Variants in TMEM175 observed in about 807,000 individuals in gnomAD.
TMEM175 encodes the protein transmembrane protein 175, also known as endosomal/lysosomal proton channel TMEM175.
TMEM175 carries 36 observed loss-of-function variants against 36.5 expected under a neutral mutation model. The observed-to-expected ratio is 0.99, with a 90% CI of 0.76 to 1.30. The LOEUF (loss-of-function observed/expected upper bound fraction) is 1.30. Ranked by LOEUF, TMEM175 falls within the 50% of genes most tolerant of loss-of-function variation. TMEM175 has a pLI of 0.00. For synonymous variants in TMEM175, 339 were observed against 313.4 expected (o/e 1.08, Z -0.86); for missense variants, 705 against 692.8 (o/e 1.02, Z -0.20).
In TMEM175 at chr4:956,284, G is replaced by A. The variant is rs542348941; in HGVS notation, c.842+394G>A. 73 of 1,272,604 alleles carry A rather than the reference G, an allele frequency of 5.7e-5. No homozygotes were observed. The Middle Eastern group carries it at 6.5e-4, about 11-fold the overall frequency. 78.8% of individuals were successfully genotyped at this position (1,272,604 alleles called of 1,614,324 possible). On this transcript the variant is annotated intron_variant, in intron 10 of 10. Transcript: ENST00000264771. ...GTCCCTAGTCCCTCCCATTCCCTCC[G>A]GCTCCCTCCCAGTGCCCCCCATCGC...
At chr4:944,773 C>T (rs1461523201) in intron 1 of TMEM175, among the ~76,000 whole-genome samples, 1 of 151,922 alleles carries the variant, frequency 6.6e-6, no homozygotes, top group Non-Finnish European at 1.5e-5. Flanking sequence ...ATGATTTGTC[C>T]CTTACTAGTC....
intron 6 of TMEM175, chr4:952,091 C>CG (rs1728963257): frequency 6.8e-6 from 4 of 587,424 alleles, no homozygotes; most frequent in Non-Finnish European, 1.2e-5. Flanking sequence ...TCTGAGTGTG[C>CG]GGGGCTGTGT....
chr4:933,370 G>A (rs112172867), intron 1 of TMEM175, among the ~76,000 whole-genome samples: 1,831 of 152,248 alleles, frequency 0.012, 24 homozygotes, highest in Middle Eastern at 0.027. Context: ...AGCCGAGCGT[G>A]GTGGCGGGTG....
chr4:941,223 A>G (rs942375368), intron 1 of TMEM175, among the ~76,000 whole-genome samples: 2 of 150,054 alleles, frequency 1.3e-5, no homozygotes, highest in African/African-American at 2.4e-5. Flanking sequence ...TAAAAATACA[A>G]AAATTAGCTG....
At chr4:952,471 G>T in intron 7 of TMEM175, 21 bp downstream of exon 7, 1 of 1,470,816 alleles carries the variant, frequency 6.8e-7, no homozygotes. Context: ...TGGGGGGCCT[G>T]CACTGTGTGT....
intron 10 of TMEM175, among the ~76,000 whole-genome samples, chr4:957,494 G>A (rs1026671374): frequency 9.9e-5 from 15 of 152,216 alleles, no homozygotes; most frequent in Non-Finnish European, 2.2e-4. Context: ...CAGCAGGCTG[G>A]TCCTGCCCAG....
intron 8 of TMEM175, among the ~76,000 whole-genome samples, chr4:953,650 C>T (rs1401119798): frequency 1.3e-5 from 2 of 152,234 alleles, no homozygotes; most frequent in African/African-American, 2.4e-5. Flanking sequence ...CCAGAAACAG[C>T]GACACCCGGA....
chr4:946,307 T>A (rs908128547), intron 1 of TMEM175, among the ~76,000 whole-genome samples: 2 of 152,254 alleles, frequency 1.3e-5, no homozygotes, highest in Non-Finnish European at 2.9e-5. Context: ...CCGGGGCACC[T>A]GGCTGCAGGT....
At chr4:952,760 GTGTGTGTGTGTGCTGTA>G (rs1332680710) in intron 7 of TMEM175, among the ~76,000 whole-genome samples, 1 of 147,390 alleles carries the variant, frequency 6.8e-6, no homozygotes, top group African/African-American at 2.5e-5. Flanking sequence ...CCTGTGCTGT[GTGTGTGTGTGTGCTGTA>G]TGTGTGTGTG....
chr4:953,372 C>T lies in TMEM175; in HGVS notation c.627+18C>T. 1 of 1,587,484 alleles carries T rather than the reference C, an allele frequency of 6.3e-7. No homozygotes were observed. Among genetic ancestry groups the T allele is most frequent in the Non-Finnish European group, 8.6e-7 (1 of 1,164,852 alleles). On this transcript the variant is annotated intron_variant, in intron 8 of 10. Coordinates refer to ENST00000264771, the MANE Select transcript of TMEM175 (RefSeq NM_032326.4). ...TCCCCTTGGTGAGTGCTGGGACAGC[C>T]CGTGGGGCCCAGGCAGGAACGGGGG...
rs1333140254 is a variant in TMEM175, at chr4:958,298, G to A, written c.1317G>A (p.Leu439=). 1.2e-6 allele frequency: 2 copies of A among 1,606,070 alleles called. No homozygotes were observed. Among genetic ancestry groups the A allele is most frequent in the East Asian group, 2.2e-5 (1 of 44,870 alleles). Residue 439 remains leucine (L), a synonymous_variant, in exon 11 of 11, where the codon CTG becomes CTA. Transcript: ENST00000264771. ...TGCTGGCCTTCGCCTCCACCTGCCTGCTGAGCAGGTTCAGTGTGGGCATCT... is the reference window on the plus strand; with the variant it reads ...TGCTGGCCTTCGCCTCCACCTGCCTACTGAGCAGGTTCAGTGTGGGCATCT... ...ASLLAFASTC[L]LSRFSVGIFH...
chr4:955,358 C>T (rs939921654), intron 8 of TMEM175, 47 bp from the exon 9 acceptor site: 6 of 1,503,810 alleles, frequency 4.0e-6, no homozygotes, highest in African/African-American at 1.4e-5. Context: ...AAGGCCTGGC[C>T]TCGGACCCCT....
chr4:947,334 A>C (rs758144540), intron 1 of TMEM175, among the ~76,000 whole-genome samples: 1 of 152,100 alleles, frequency 6.6e-6, no homozygotes, highest in Non-Finnish European at 1.5e-5. Flanking sequence ...AGACAGCCCC[A>C]GGCACGCATG....
intron 7 of TMEM175, 70 bp downstream of exon 7, chr4:952,520 T>C (rs1464251907): frequency 3.0e-6 from 4 of 1,353,968 alleles, no homozygotes; most frequent in Non-Finnish European, 4.0e-6. Context: ...GTGTGTGTGA[T>C]CACCATCGGG....
chr4:958,284 G>A lies in TMEM175; in HGVS notation c.1303G>A (p.Ala435Thr), dbSNP rs781244348. 2.7e-5 allele frequency: 44 copies of A among 1,605,842 alleles called. No homozygotes were observed. Among genetic ancestry groups the A allele is most frequent in the African/African-American group, 2.7e-4 (20 of 74,926 alleles). Residue 435 changes from alanine (A) to threonine (T), a missense_variant, in exon 11 of 11, where the codon GCC (alanine) becomes ACC (threonine). Transcript: ENST00000264771. ...LYPCASLLAF[A>T]STCLLSRFSV... ...CCCCTGTGCCAGCCTGCTGGCCTTC[G>A]CCTCCACCTGCCTGCTGAGCAGGTT...
intron 7 of TMEM175, 57 bp downstream of exon 7, chr4:952,507 T>C: frequency 7.2e-7 from 1 of 1,379,420 alleles, no homozygotes; most frequent in Non-Finnish European, 9.9e-7. Flanking sequence ...TGTGTGTGTG[T>C]GTGTGTGTGT....
chr4:939,276 C>T (rs1186743590), intron 1 of TMEM175, among the ~76,000 whole-genome samples: 1 of 152,200 alleles, frequency 6.6e-6, no homozygotes, highest in Non-Finnish European at 1.5e-5. Flanking sequence ...TGGATATTCA[C>T]GTGTTTAGAA....
At chr4:950,183 G>GCTC (rs1272699097) in intron 3 of TMEM175, among the ~76,000 whole-genome samples, 1 of 152,086 alleles carries the variant, frequency 6.6e-6, no homozygotes, top group African/African-American at 2.4e-5. Flanking sequence ...GGGGCTGGAG[G>GCTC]GGTGGGGGCT....
Position 953,220 on chromosome 4 carries a change from C to T in TMEM175, c.493C>T (p.Pro165Ser). 6.2e-7 allele frequency: 1 copy of T among 1,613,088 alleles called. No individual in the cohort carries two copies. The highest frequency in any genetic ancestry group is 8.5e-7 in the Non-Finnish European group (1 of 1,179,460). ...ALIVGYAFHF[P>S]HLLSPQIQRS... is the part of the protein sequence containing the mutation. The stretch of plus-strand genomic sequence containing the variant: ...GATTGTGGGGTACGCATTCCACTTC[C>T]CGCACCTGCTGAGCCCGCAGATCCA... Residue 165 changes from proline (P) to serine (S), a missense_variant, in exon 8 of 11, where the codon CCG (proline) becomes TCG (serine). Coordinates refer to ENST00000264771, the MANE Select transcript of TMEM175 (RefSeq NM_032326.4).
Sources: gnomAD v4.1 joint callset for allele counts (sites outside exome capture counted in the v4.1 genomes callset) on GRCh38, gnomAD v4.1.1 for gene constraint, MANE v1.5 for transcripts, NCBI Gene and HGNC (gene_info 2026-07-23, HGNC 2026-07-21) for gene names.